ARHGAP44: variants seen among roughly 807,000 people sequenced by gnomAD.
The protein encoded by ARHGAP44 is Rho GTPase activating protein 44.
A neutral mutation model predicts 106.8 loss-of-function variants in ARHGAP44; 43 were observed. That is an observed-to-expected ratio of 0.40 (90% CI 0.32 to 0.52). The LOEUF (loss-of-function observed/expected upper bound fraction) is 0.52, where lower values mean the gene tolerates loss of function less well. ARHGAP44 is among the 20% of genes least tolerant of loss of function. ARHGAP44 has a pLI of 0.48. For synonymous variants in ARHGAP44, 439 were observed against 410.3 expected, an observed-to-expected ratio of 1.07 and a Z score of -0.85; for missense variants, 866 against 1,050.5, an observed-to-expected ratio of 0.82 and a Z score of 2.43.
At chr17:12,909,358 C>T (rs2037654144) in intron 4 of ARHGAP44, among the ~76,000 whole-genome samples, 1 of 151,980 alleles carries the variant, frequency 6.6e-6, no homozygotes, top group Admixed American at 6.6e-5. Flanking sequence ...TCAGCAGACA[C>T]AATCAGTAGA....
At chr17:12,841,816 G>A (rs1195738966) in intron 1 of ARHGAP44, among the ~76,000 whole-genome samples, 1 of 151,994 alleles carries the variant, frequency 6.6e-6, no homozygotes, top group Non-Finnish European at 1.5e-5. Flanking sequence ...TAGGTATGAA[G>A]CTTATGTGAT....
intron 15 of ARHGAP44, among the ~76,000 whole-genome samples, chr17:12,957,465 G>A (rs2039158422): frequency 6.6e-6 from 1 of 152,172 alleles, no homozygotes; most frequent in Non-Finnish European, 1.5e-5. Flanking sequence ...GAGATGGATG[G>A]GGACTTTTAT....
intron 16 of ARHGAP44, among the ~76,000 whole-genome samples, chr17:12,966,182 G>T (rs1218924017): frequency 6.6e-6 from 1 of 150,918 alleles, no homozygotes; most frequent in African/African-American, 2.4e-5. Context: ...ATCCTTGAAA[G>T]AGATTATGTC....
chr17:12,948,236 G>T (rs975228342), intron 10 of ARHGAP44, among the ~76,000 whole-genome samples: 1 of 152,130 alleles, frequency 6.6e-6, no homozygotes, highest in Admixed American at 6.5e-5. Context: ...ACTCTCTAAG[G>T]TGCAGTGGTT....
intron 1 of ARHGAP44, among the ~76,000 whole-genome samples, chr17:12,807,650 C>T (rs193253061): frequency 6.6e-6 from 1 of 152,338 alleles, no homozygotes; most frequent in Admixed American, 6.5e-5. Flanking sequence ...TTACCTGCTA[C>T]ACTGGGTCCC....
rs186455592 is a variant in ARHGAP44, at chr17:12,883,899, T to C, written c.54-11041T>C. ...ACTGAAAGAGGAATAATGACATCTA[T>C]TGTGGCAAAATTTCCAAGGCTTCCC... On this transcript the variant is annotated intron_variant, in intron 1 of 20. Coordinates refer to ENST00000379672, the MANE Select transcript of ARHGAP44 (RefSeq NM_014859.6). Among the ~76,000 whole-genome samples, 267 of 152,286 alleles carry C rather than the reference T, an allele frequency of 1.8e-3. 1 individual carries two copies. Among genetic ancestry groups the C allele is most frequent in the African/African-American group, 6.2e-3 (258 of 41,588 alleles).
chr17:12,949,385 C>T lies in ARHGAP44; in HGVS notation c.973+134C>T. The T allele has an allele frequency of 2.0e-6, 2 of 1,009,124 alleles. No homozygotes were observed. Among genetic ancestry groups the T allele is most frequent in the Non-Finnish European group, 1.4e-6 (1 of 689,674 alleles). 62.5% of individuals were successfully genotyped at this position (1,009,124 alleles called of 1,614,324 possible). ...GCACTTCAGATGTGTCCACTCAGTGCCCAGTTTCAGGGCTGGGTGCTCTGG... is the reference window on the plus strand; with the variant it reads ...GCACTTCAGATGTGTCCACTCAGTGTCCAGTTTCAGGGCTGGGTGCTCTGG... On this transcript the variant is annotated intron_variant, in intron 11 of 20. Transcript: ENST00000379672. This position sits in a 1 kb window ranked among gnomAD's most constrained non-coding sequence, Gnocchi z 4.1.
At chr17:12,822,041 T>C (rs1055821019) in intron 1 of ARHGAP44, among the ~76,000 whole-genome samples, 3 of 152,182 alleles carry the variant, frequency 2.0e-5, no homozygotes, top group Non-Finnish European at 4.4e-5. Flanking sequence ...TGATACTTTG[T>C]TGAGGCACTA....
intron 1 of ARHGAP44, among the ~76,000 whole-genome samples, chr17:12,846,887 T>G (rs2150840084): frequency 6.6e-6 from 1 of 152,264 alleles, no homozygotes. Flanking sequence ...AAAATAGTTT[T>G]AAATAATCTC....
intron 13 of ARHGAP44, among the ~76,000 whole-genome samples, chr17:12,953,269 GC>G (rs900743544): frequency 9.2e-5 from 14 of 152,178 alleles, no homozygotes; most frequent in Non-Finnish European, 1.0e-4. Flanking sequence ...CTTCCGGCGC[GC>G]TGCAGATCCT....
At chr17:12,841,394 T>A (rs138160615) in intron 1 of ARHGAP44, among the ~76,000 whole-genome samples, 102 of 151,486 alleles carry the variant, frequency 6.7e-4, no homozygotes, top group Admixed American at 2.7e-3. Context: ...AGCTCAGGAG[T>A]CCGAGACCAG....
intron 1 of ARHGAP44, among the ~76,000 whole-genome samples, chr17:12,804,947 A>G (rs1289321450): frequency 1.3e-5 from 2 of 152,202 alleles, no homozygotes; most frequent in East Asian, 3.9e-4. Flanking sequence ...ATCATTCTTG[A>G]ATGGGAATCT....
At chr17:12,881,740 C>A (rs2036743638) in intron 1 of ARHGAP44, among the ~76,000 whole-genome samples, 1 of 152,168 alleles carries the variant, frequency 6.6e-6, no homozygotes, top group South Asian at 2.1e-4. Context: ...GTTGCCCATG[C>A]TGGAGTACAG....
intron 3 of ARHGAP44, among the ~76,000 whole-genome samples, chr17:12,901,900 T>C (rs963012477): frequency 6.6e-6 from 1 of 152,150 alleles, no homozygotes; most frequent in African/African-American, 2.4e-5. Flanking sequence ...CTGCTGACTC[T>C]TCCTCCAAAG....
intron 13 of ARHGAP44, among the ~76,000 whole-genome samples, chr17:12,953,615 G>C (rs1057064909): frequency 6.6e-6 from 1 of 152,212 alleles, no homozygotes; most frequent in African/African-American, 2.4e-5. Context: ...AAGGTGAAAA[G>C]CCAAATGTCC....
intron 1 of ARHGAP44, among the ~76,000 whole-genome samples, chr17:12,888,078 T>A (rs886283570): frequency 1.3e-5 from 2 of 152,016 alleles, no homozygotes; most frequent in African/African-American, 2.4e-5. Flanking sequence ...GTTTCTTTAG[T>A]TTTTGTTGTT....
chr17:12,965,904 G>C (rs1248017860), intron 16 of ARHGAP44, among the ~76,000 whole-genome samples: 1 of 152,136 alleles, frequency 6.6e-6, no homozygotes, highest in East Asian at 1.9e-4. Flanking sequence ...TGTAATCCCA[G>C]CACTATGGGA....
At chr17:12,813,376 A>G (rs1056846452) in intron 1 of ARHGAP44, among the ~76,000 whole-genome samples, 18 of 152,258 alleles carry the variant, frequency 1.2e-4, no homozygotes, top group African/African-American at 4.3e-4. Flanking sequence ...ATAAGAAGGA[A>G]GAGAGAAAAA....
chr17:12,883,410 G>A (rs1421381254), intron 1 of ARHGAP44, among the ~76,000 whole-genome samples: 1 of 149,808 alleles, frequency 6.7e-6, no homozygotes. Flanking sequence ...CTAATTTATT[G>A]AAGTTTATTC....
Sources: allele counts gnomAD v4.1 joint callset (sites outside exome capture counted in the v4.1 genomes callset), GRCh38; gene constraint gnomAD v4.1.1; non-coding constraint Gnocchi (gnomAD v3.1); transcripts MANE v1.5; gene names NCBI Gene and HGNC (gene_info 2026-07-23, HGNC 2026-07-21).